Variants in RANBP2 observed in about 807,000 individuals in gnomAD.
RANBP2 encodes RAN binding protein 2.
Under a neutral mutation model 303.6 loss-of-function variants are expected in RANBP2, and 57 were observed. The observed-to-expected ratio is 0.19, with a 90% confidence interval of 0.15 to 0.23. RANBP2 has a LOEUF of 0.23. Among genes scored for constraint, RANBP2 ranks in the 10% least tolerant of loss-of-function variants. The pLI, the probability that RANBP2 is intolerant of heterozygous loss-of-function variation, is 1.00. For missense variants in RANBP2, 3,138 were observed against 3,780.8 expected, an observed-to-expected ratio of 0.83 and a Z score of 4.46; for synonymous variants, 1,167 against 1,301.5, an observed-to-expected ratio of 0.90 and a Z score of 2.23.
the RANBP2 span, among the ~76,000 whole-genome samples, chr2:109,187,792 C>T: frequency 2.6e-5 from 4 of 152,314 alleles, no homozygotes; most frequent in Non-Finnish European, 4.4e-5. Flanking sequence ...GGCTTGCTTC[C>T]GACTTCCCTC....
intron 1 of RANBP2, among the ~76,000 whole-genome samples, chr2:108,721,890 T>C (rs12472528): frequency 1.4e-4 from 22 of 152,080 alleles, no homozygotes; most frequent in African/African-American, 4.6e-4. Flanking sequence ...TACAGGCATG[T>C]GCCACCATGC....
chr2:109,376,021 G>A, the RANBP2 span, among the ~76,000 whole-genome samples: 1 of 152,390 alleles, frequency 6.6e-6, no homozygotes, highest in African/African-American at 2.4e-5. Context: ...GACGTCATGG[G>A]CTAGCCATGG....
At chr2:108,793,984 C>A in the RANBP2 span, among the ~76,000 whole-genome samples, 1 of 152,100 alleles carries the variant, frequency 6.6e-6, no homozygotes, top group Non-Finnish European at 1.5e-5. Context: ...GCTCAAATTT[C>A]CACCTATAGG....
At chr2:108,883,224 C>T in the RANBP2 span, 1 of 152,080 alleles carries the variant, frequency 6.6e-6, no homozygotes, top group Admixed American at 6.6e-5. Context: ...TATACAAATC[C>T]CTGAAAATAT....
the RANBP2 span, among the ~76,000 whole-genome samples, chr2:109,241,180 TTACA>T: frequency 1.3e-5 from 2 of 152,208 alleles, no homozygotes; most frequent in African/African-American, 4.8e-5. Context: ...AAGTTTGTAC[TTACA>T]TACCTCAAAA....
chr2:109,151,718 T>C, the RANBP2 span, among the ~76,000 whole-genome samples: 6 of 152,220 alleles, frequency 3.9e-5, no homozygotes, highest in Non-Finnish European at 8.8e-5. Context: ...GTGGCTGCTG[T>C]ATGGAAAGGC....
Position 108,758,530 on chromosome 2 carries a change from C to T in RANBP2, c.2584C>T (p.His862Tyr), listed in dbSNP as rs1676492535. 6.2e-7 allele frequency: 1 copy of T among 1,611,156 alleles called. No homozygotes were observed. Among genetic ancestry groups the T allele is most frequent in the Non-Finnish European group, 8.5e-7 (1 of 1,179,778 alleles). ...TGGATATCAGGGGTCACAGACATTT[C>T]ATGGGGCTCCACTAACAGGTGAGCT... ...PDGYQGSQTF[H>Y]GAPLTVATTG... The change falls in exon 18 of 29, where the codon CAT becomes TAT. Residue 862 changes from histidine (H) to tyrosine (Y), a missense_variant. By Grantham distance (83) the His-to-Tyr change is moderately conservative. Around this residue, in one of 20 missense-constraint regions of RANBP2, gnomAD observed 26 missense variants for 58.0 expected, o/e 0.45. Coordinates refer to ENST00000283195, the MANE Select transcript of RANBP2 (RefSeq NM_006267.5).
chr2:108,831,392 T>C, the RANBP2 span, among the ~76,000 whole-genome samples: 1 of 152,208 alleles, frequency 6.6e-6, no homozygotes, highest in South Asian at 2.1e-4. Context: ...GCCAAATCTT[T>C]TGAAACATTC....
the RANBP2 span, among the ~76,000 whole-genome samples, chr2:109,142,773 T>C: frequency 6.6e-6 from 1 of 152,202 alleles, no homozygotes; most frequent in Non-Finnish European, 1.5e-5. Flanking sequence ...CGAGGATTGT[T>C]GTTGACTGAT....
chr2:108,937,209 A>C, the RANBP2 span, among the ~76,000 whole-genome samples: 7 of 152,182 alleles, frequency 4.6e-5, no homozygotes, highest in Admixed American at 3.3e-4. Context: ...CTTCTTTATC[A>C]CTGCACTGAA....
At chr2:109,704,290 C>T in the RANBP2 span, among the ~76,000 whole-genome samples, 1 of 152,178 alleles carries the variant, frequency 6.6e-6, no homozygotes, top group African/African-American at 2.4e-5. Flanking sequence ...TGGCTCATGC[C>T]TGTAATCCTA....
the RANBP2 span, among the ~76,000 whole-genome samples, chr2:109,672,698 A>G: frequency 6.6e-6 from 1 of 152,330 alleles, no homozygotes; most frequent in African/African-American, 2.4e-5. Context: ...TCAAGACTAC[A>G]GAAATTTATA....
chr2:109,445,431 C>A, the RANBP2 span, among the ~76,000 whole-genome samples: 1 of 152,056 alleles, frequency 6.6e-6, no homozygotes, highest in Non-Finnish European at 1.5e-5. Context: ...ACAAAACCTG[C>A]CAGAGGGCAG....
At chr2:108,825,655 AAAT>A in the RANBP2 span, among the ~76,000 whole-genome samples, 4 of 152,326 alleles carry the variant, frequency 2.6e-5, no homozygotes, top group African/African-American at 9.6e-5. Context: ...TTTTATTACC[AAAT>A]AATCTATAAT....
chr2:108,941,609 G>T, the RANBP2 span, among the ~76,000 whole-genome samples: 3 of 152,196 alleles, frequency 2.0e-5, no homozygotes, highest in Admixed American at 6.5e-5. Flanking sequence ...AGAAGGAGAA[G>T]AAAAACGATC....
At chr2:109,054,625 G>C in the RANBP2 span, among the ~76,000 whole-genome samples, 3 of 151,774 alleles carry the variant, frequency 2.0e-5, no homozygotes, top group Non-Finnish European at 2.9e-5. Flanking sequence ...GCTTGAACTA[G>C]GGAGGTGGAG....
At chr2:109,624,714 T>C in the RANBP2 span, among the ~76,000 whole-genome samples, 1 of 152,134 alleles carries the variant, frequency 6.6e-6, no homozygotes, top group Non-Finnish European at 1.5e-5. Flanking sequence ...ACTCTTCAAC[T>C]CAACTATTTC....
chr2:109,218,582 A>G, the RANBP2 span, among the ~76,000 whole-genome samples: 1 of 152,172 alleles, frequency 6.6e-6, no homozygotes, highest in Non-Finnish European at 1.5e-5. Flanking sequence ...CTCTCGGTCA[A>G]AATACAGCCT....
At chr2:109,364,155 T>G in the RANBP2 span, among the ~76,000 whole-genome samples, 1 of 151,680 alleles carries the variant, frequency 6.6e-6, no homozygotes, top group Non-Finnish European at 1.5e-5. Context: ...GATGCTCCAT[T>G]ATGGTTTTTT....
Sources: allele counts gnomAD v4.1 joint callset (sites outside exome capture counted in the v4.1 genomes callset), GRCh38; gene constraint gnomAD v4.1.1; regional missense constraint gnomAD v4.1.1; transcripts MANE v1.5; gene names NCBI Gene and HGNC (gene_info 2026-07-23, HGNC 2026-07-21).